The following ZMIZ2 variants were observed in gnomAD, a reference collection of about 807,000 sequenced individuals.
ZMIZ2 encodes the protein zinc finger MIZ domain-containing protein 2.
ZMIZ2 carries 26 observed loss-of-function variants against 93.9 expected under a neutral mutation model. That is an observed-to-expected ratio of 0.28 (90% CI 0.20 to 0.38). ZMIZ2 has a LOEUF of 0.38. Among genes scored for constraint, ZMIZ2 ranks in the 10% least tolerant of loss-of-function variants. The pLI is 1.00. For missense variants in ZMIZ2, 1,023 were observed against 1,235.0 expected, an observed-to-expected ratio of 0.83 and a Z score of 2.57; for synonymous variants, 485 against 516.4, an observed-to-expected ratio of 0.94 and a Z score of 0.82.
Position 44,763,299 on chromosome 7 carries a change from G to A in ZMIZ2, c.1746G>A (p.Gly582=). ...GCGGCACCATCCCTGGCACCCCTGG[G>A]CCCAACGGAGAGGACGGGGTGGAGC... ...FSSGTIPGTP[G]PNGEDGVEQT... Residue 582 remains glycine (G), a synonymous_variant, in exon 13 of 19, where the codon GGG becomes GGA. Coordinates refer to ENST00000309315, the MANE Select transcript of ZMIZ2 (RefSeq NM_031449.4). This position sits in a 1 kb window ranked among gnomAD's most constrained non-coding sequence, Gnocchi z 5.6. The A allele has an allele frequency of 6.2e-7, 1 of 1,614,104 alleles. No homozygotes were observed. Among genetic ancestry groups the A allele is most frequent in the Non-Finnish European group, 8.5e-7 (1 of 1,180,004 alleles).
intron 18 of ZMIZ2, among the ~76,000 whole-genome samples, chr7:44,767,311 G>A (rs939131353): frequency 6.6e-6 from 1 of 152,182 alleles, no homozygotes; most frequent in Non-Finnish European, 1.5e-5. Context: ...GAGCAACCTT[G>A]CAGGGAGGTC....
intron 7 of ZMIZ2, 64 bp from the exon 8 acceptor site, chr7:44,760,087 G>A: frequency 6.3e-7 from 1 of 1,588,360 alleles, no homozygotes; most frequent in South Asian, 1.1e-5. Flanking sequence ...TCTAGGGTCA[G>A]GTCCAGGGGG....
Position 44,769,631 on chromosome 7 carries a change from G to C in ZMIZ2, c.*2008G>C, listed in dbSNP as rs1014580387. ...TCAAATGACTGTGTCCTGGACATCTGATGCACCACCTGCCCTGCCTGTTGC... is the reference window on the plus strand; with the variant it reads ...TCAAATGACTGTGTCCTGGACATCTCATGCACCACCTGCCCTGCCTGTTGC... On this transcript the variant is annotated 3_prime_UTR_variant, in exon 19 of 19. Coordinates refer to ENST00000309315, the MANE Select transcript of ZMIZ2 (RefSeq NM_031449.4). 1 of 152,674 alleles carries C rather than the reference G, an allele frequency of 6.5e-6. No homozygotes were observed. The highest frequency in any genetic ancestry group is 2.4e-5 in the African/African-American group (1 of 41,446). The allele number at this position is 152,674 out of a possible 1,614,324, so 9.5% of individuals were successfully genotyped here.
Position 44,763,122 on chromosome 7 carries a change from C to T in ZMIZ2, c.1703-134C>T. ...TGGACAGGTGGCTCTGCAGTAGGGG[C>T]AGTGGTTAGTTCCAGGTGGCCCCTC... On this transcript the variant is annotated intron_variant, in intron 12 of 18. Transcript: ENST00000309315. This position sits in a 1 kb window ranked among gnomAD's most constrained non-coding sequence, Gnocchi z 5.6. The T allele has an allele frequency of 6.9e-7, 1 of 1,445,566 alleles. No homozygotes were observed. The highest frequency in any genetic ancestry group is 9.5e-7 in the Non-Finnish European group (1 of 1,053,196). 89.5% of individuals were successfully genotyped at this position (1,445,566 alleles called of 1,614,324 possible).
intron 14 of ZMIZ2, 34 bp downstream of exon 14, chr7:44,764,520 G>T (rs748090730): frequency 1.6e-5 from 26 of 1,610,576 alleles, no homozygotes; most frequent in Non-Finnish European, 2.0e-5. Flanking sequence ...ATGGAGGAGG[G>T]GCTGGTGCTT....
At chr7:44,753,451 G>GT (rs911036847) in intron 1 of ZMIZ2, among the ~76,000 whole-genome samples, 7 of 152,174 alleles carry the variant, frequency 4.6e-5, no homozygotes, top group African/African-American at 1.7e-4. Flanking sequence ...TCACTCTGTT[G>GT]CCCAGACTGA....
chr7:44,764,450 A>C lies in ZMIZ2; in HGVS notation c.1892A>C (p.Asn631Thr). 6.2e-7 allele frequency: 1 copy of C among 1,614,144 alleles called. No homozygotes were observed. Among genetic ancestry groups the C allele is most frequent in the Non-Finnish European group, 8.5e-7 (1 of 1,180,016 alleles). ...CFDLESYLQL[N>T]CERGTWRCPV... The stretch of plus-strand genomic sequence containing the variant: ...GACCTGGAGTCGTACCTGCAGCTCA[A>C]CTGTGAGCGGGGGACTTGGAGGTGT... Residue 631 changes from asparagine to threonine, a missense_variant, in exon 14 of 19, where the codon AAC becomes ACC. Transcript: ENST00000309315.
chr7:44,749,208 C>T (rs1438394470), intron 1 of ZMIZ2, among the ~76,000 whole-genome samples: 1 of 152,188 alleles, frequency 6.6e-6, no homozygotes, highest in Non-Finnish European at 1.5e-5. Flanking sequence ...CCGGCACCTG[C>T]CACGCGTGCG....
chr7:44,763,483 T>G lies in ZMIZ2; in HGVS notation c.1860+70T>G. The G allele has an allele frequency of 1.3e-6, 2 of 1,585,252 alleles. No homozygotes were observed. Among genetic ancestry groups the G allele is most frequent in the Non-Finnish European group, 1.7e-6 (2 of 1,162,492 alleles). On this transcript the variant is annotated intron_variant, in intron 13 of 18. Coordinates refer to ENST00000309315, the MANE Select transcript of ZMIZ2 (RefSeq NM_031449.4). The surrounding 1 kb of genome is among the most constrained non-coding windows in gnomAD (Gnocchi z 5.6). ...AATATCTTGAGTCGATACATCAGTG[T>G]CATTCTCTGGACAGACGTGAACTCC...
chr7:44,765,628 GCTC>G lies in ZMIZ2; in HGVS notation c.2242+53_2242+55del. 1 of 1,568,954 alleles carries G rather than the reference GCTC, an allele frequency of 6.4e-7. No individual in the cohort carries two copies. The highest frequency in any genetic ancestry group is 8.6e-7 in the Non-Finnish European group (1 of 1,160,392). On this transcript the variant is annotated intron_variant, in intron 16 of 18. Transcript: ENST00000309315. This position sits in a 1 kb window ranked among gnomAD's most constrained non-coding sequence, Gnocchi z 4.1. Reference sequence around the variant, plus strand: ...AACCTCAGATGACCCTGGGCATATGGCTCCTCTCCCCAGATCAGTCTCCTCACC... The same window carrying G: ...AACCTCAGATGACCCTGGGCATATGGCTCTCCCCAGATCAGTCTCCTCACC...
In ZMIZ2 at chr7:44,761,367, G is replaced by C. The variant is rs1791157953; in HGVS notation, c.1241-82G>C. ...CAAGGTCCCTGCGGGGAAGGTGGCT[G>C]GGGAGCCGCTGCCCTCCTTGAGTGA... On this transcript the variant is annotated intron_variant, in intron 9 of 18. Transcript: ENST00000309315. This position sits in a 1 kb window ranked among gnomAD's most constrained non-coding sequence, Gnocchi z 5.8. 5 of 1,547,824 alleles carry C rather than the reference G, an allele frequency of 3.2e-6. No homozygotes were observed. Among genetic ancestry groups the C allele is most frequent in the Non-Finnish European group, 8.7e-7 (1 of 1,152,530 alleles).
intron 1 of ZMIZ2, 74 bp from the exon 2 acceptor site, chr7:44,756,114 C>T (rs932464997): frequency 1.7e-5 from 21 of 1,227,308 alleles, no homozygotes; most frequent in Admixed American, 6.1e-5. Context: ...CTGCTGGCAC[C>T]GGGGTCCCTC....
In ZMIZ2 at chr7:44,759,436, T is replaced by C; in HGVS notation, c.969T>C (p.Pro323=). The stretch of plus-strand genomic sequence containing the variant: ...GCATGACCCAGTCCCTGTCCGTGCC[T>C]GGCCCCACGGGACTGCATTATAAGG... ...QQGMTQSLSV[P]GPTGLHYKPT... is the part of the protein sequence containing the mutation. Residue 323 remains proline, a synonymous_variant, in exon 7 of 19, where the codon CCT becomes CCC. Coordinates refer to ENST00000309315, the MANE Select transcript of ZMIZ2 (RefSeq NM_031449.4). 6.3e-7 allele frequency: 1 copy of C among 1,576,280 alleles called. No homozygotes were observed. Among genetic ancestry groups the C allele is most frequent in the Admixed American group, 1.8e-5 (1 of 54,714 alleles).
Position 44,766,144 on chromosome 7 carries a change from C to G in ZMIZ2, c.2243-20C>G. ...TGGCCTTCCCCAGCCCTCACCCAGG[C>G]CCCGACTCTCCTCTCACAGGTTCCA... On this transcript the variant is annotated intron_variant, in intron 16 of 18. Coordinates refer to ENST00000309315, the MANE Select transcript of ZMIZ2 (RefSeq NM_031449.4). The surrounding 1 kb of genome is among the most constrained non-coding windows in gnomAD (Gnocchi z 4.4). 1 of 1,603,626 alleles carries G rather than the reference C, an allele frequency of 6.2e-7. No individual in the cohort carries two copies. The highest frequency in any genetic ancestry group is 8.5e-7 in the Non-Finnish European group (1 of 1,176,228).
At chr7:44,755,603 T>C (rs1332444607) in intron 1 of ZMIZ2, among the ~76,000 whole-genome samples, 3 of 152,176 alleles carry the variant, frequency 2.0e-5, no homozygotes, top group Admixed American at 6.5e-5. Flanking sequence ...TGGAGAGTTG[T>C]TGGTTGACCA....
chr7:44,759,129 T>C, intron 6 of ZMIZ2, 152 bp from the exon 7 acceptor site: 1 of 480,390 alleles, frequency 2.1e-6, no homozygotes. Context: ...ATGTGAGAAC[T>C]GCCTGTGCCT....
chr7:44,749,186 G>A (rs1400144252), intron 1 of ZMIZ2, among the ~76,000 whole-genome samples, 195 bp downstream of exon 1: 1 of 152,130 alleles, frequency 6.6e-6, no homozygotes, highest in African/African-American at 2.4e-5. Context: ...TAGAGGCTCT[G>A]CCGCCCACCT....
In ZMIZ2 at chr7:44,767,945, C is replaced by T; in HGVS notation, c.*322C>T. On this transcript the variant is annotated 3_prime_UTR_variant, in exon 19 of 19. Transcript: ENST00000309315. ...CATCTCACGCCCCTGGTCTCACAGC[C>T]TCACACCTTGTCCTTCCACCCCTGC... 2 of 423,638 alleles carry T rather than the reference C, an allele frequency of 4.7e-6. No homozygotes were observed. The highest frequency in any genetic ancestry group is 8.8e-6 in the Non-Finnish European group (2 of 226,328). The allele number at this position is 423,638 out of a possible 1,614,324, so 26.2% of individuals were successfully genotyped here. A position where few individuals can be genotyped will look rare whatever the true frequency, so the allele number is the denominator to read the frequency against.
intron 3 of ZMIZ2, 170 bp downstream of exon 3, chr7:44,756,709 C>T: frequency 1.3e-6 from 1 of 789,396 alleles, no homozygotes; most frequent in Non-Finnish European, 2.0e-6. Flanking sequence ...AGTCTTTGGA[C>T]ACTGGTTCTC....
Sources: allele counts gnomAD v4.1 joint callset (sites outside exome capture counted in the v4.1 genomes callset), GRCh38; gene constraint gnomAD v4.1.1; non-coding constraint Gnocchi (gnomAD v3.1); transcripts MANE v1.5; gene names NCBI Gene and HGNC (gene_info 2026-07-23, HGNC 2026-07-21).